The following AP5Z1 variants were observed in gnomAD, a reference collection of about 807,000 sequenced individuals.
The protein encoded by AP5Z1 is AP-5 complex subunit zeta-1.
AP5Z1 carries 106 observed loss-of-function variants against 83.0 expected under a neutral mutation model. That is an observed-to-expected ratio of 1.28 (90% CI 1.09 to 1.50). The LOEUF (loss-of-function observed/expected upper bound fraction) is 1.50, where lower values mean the gene tolerates loss of function less well. AP5Z1 is among the 40% of genes most tolerant of loss of function. The pLI, the probability that AP5Z1 is intolerant of heterozygous loss-of-function variation, is 0.00. For missense variants in AP5Z1, 1,565 were observed against 1,094.2 expected (o/e 1.43, Z -6.07); for synonymous variants, 751 against 514.1 (o/e 1.46, Z -6.23).
chr7:4,783,967 T>G (rs1413675240), intron 5 of AP5Z1, among the ~76,000 whole-genome samples, 169 bp downstream of exon 5: 2 of 152,090 alleles, frequency 1.3e-5, no homozygotes, highest in Non-Finnish European at 2.9e-5. Context: ...CCCTGACCCG[T>G]GTGGCTCTGG....
Position 4,787,648 on chromosome 7 carries a change from C to T in AP5Z1, c.1326C>T (p.Asn442=), listed in dbSNP as rs1337205550. 7 of 1,552,802 alleles carry T rather than the reference C, an allele frequency of 4.5e-6. No homozygotes were observed. Among genetic ancestry groups the T allele is most frequent in the East Asian group, 2.4e-5 (1 of 41,150 alleles). ...FPNLFKFLAW[N]SPPLTSEFVA... is the part of the protein sequence containing the mutation. ...TGTGCCCACAGTTCCTGGCCTGGAA[C>T]AGCCCACCCCTCACCTCCGAGTTTG... The change falls in exon 11 of 17, where the codon AAC becomes AAT. Residue 442 remains asparagine, a synonymous_variant. Coordinates refer to ENST00000649063, the MANE Select transcript of AP5Z1 (RefSeq NM_014855.3).
rs780335137 is a variant in AP5Z1, at chr7:4,786,279, G to A, written c.1162G>A (p.Val388Ile). The A allele has an allele frequency of 3.6e-5, 58 of 1,611,686 alleles. No individual in the cohort carries two copies. Among genetic ancestry groups the A allele is most frequent in the Middle Eastern group, 1.6e-4 (1 of 6,066 alleles). The change falls in exon 10 of 17, where the codon GTC (valine) becomes ATC (isoleucine). Residue 388 changes from valine (V) to isoleucine (I), a missense_variant. By Grantham distance (29) the Val-to-Ile change is conservative. Coordinates refer to ENST00000649063, the MANE Select transcript of AP5Z1 (RefSeq NM_014855.3). ...AGCGGCTGCAGTGGACTCGGAAGCC[G>A]TCTACCAGCACCTGTTCACCAGGAT... is the stretch of plus-strand genomic sequence containing the variant. ...GEAAAVDSEA[V>I]YQHLFTRIPV...
chr7:4,785,673 TC>T lies in AP5Z1; in HGVS notation c.1123del (p.Leu375Ter). On this transcript the variant is annotated frameshift_variant, in exon 9 of 17. Coordinates refer to ENST00000649063, the MANE Select transcript of AP5Z1 (RefSeq NM_014855.3). LOFTEE classifies it high-confidence loss of function. Reference sequence around the variant, plus strand: ...GTGCTGCTGCCCCTCGCCCACTTCTTCCTGAGCCACGGTGAGCCCAGGGTGG... The same window carrying T: ...GTGCTGCTGCCCCTCGCCCACTTCTTCTGAGCCACGGTGAGCCCAGGGTGG... Reference protein sequence around the residue: ...VRVLLPLAHFFLSHGEAAAVD... With the variant: ...VRVLLPLAHFXLSHGEAAAVD... 1 of 1,537,390 alleles carries T rather than the reference TC, an allele frequency of 6.5e-7. No individual in the cohort carries two copies. The highest frequency in any genetic ancestry group is 8.8e-7 in the Non-Finnish European group (1 of 1,141,176).
Position 4,783,373 on chromosome 7 carries a change from A to G in AP5Z1, c.424A>G (p.Ser142Gly), listed in dbSNP as rs775244488. The G allele has an allele frequency of 6.2e-7, 1 of 1,613,122 alleles. No homozygotes were observed. The highest frequency in any genetic ancestry group is 1.1e-5 in the South Asian group (1 of 91,070). Residue 142 changes from serine (S) to glycine (G), a missense_variant, in exon 4 of 17, where the codon AGC becomes GGC. Coordinates refer to ENST00000649063, the MANE Select transcript of AP5Z1 (RefSeq NM_014855.3). ...VGQGVLRALE[S>G]RQPEGPSLRH... is the part of the protein sequence containing the mutation. ...CCAGGGCGTGCTACGAGCGCTGGAG[A>G]GCCGGCAGCCTGAGGGACCCAGCCT...
In AP5Z1 at chr7:4,786,377, G is replaced by C; in HGVS notation, c.1260G>C (p.Leu420=). 2.5e-6 allele frequency: 4 copies of C among 1,613,940 alleles called. No homozygotes were observed. The highest frequency in any genetic ancestry group is 3.4e-6 in the Non-Finnish European group (4 of 1,179,864). Residue 420 remains leucine, a synonymous_variant, in exon 10 of 17, where the codon CTG becomes CTC. Coordinates refer to ENST00000649063, the MANE Select transcript of AP5Z1 (RefSeq NM_014855.3). The stretch of plus-strand genomic sequence containing the variant: ...AGTTCTGCAGGGACAACCTCCACCT[G>C]TTCAGCGGGCACCTCAGCACCCTCA... The part of the protein sequence containing the change: ...FIQFCRDNLH[L]FSGHLSTLRL...
In AP5Z1 at chr7:4,790,678, G is replaced by T; in HGVS notation, c.1944G>T (p.Trp648Cys). The T allele has an allele frequency of 6.2e-7, 1 of 1,612,052 alleles. No homozygotes were observed. Among genetic ancestry groups the T allele is most frequent in the Non-Finnish European group, 8.5e-7 (1 of 1,179,672 alleles). The change falls in exon 16 of 17, where the codon TGG becomes TGT. Residue 648 changes from tryptophan (W) to cysteine (C), a missense_variant. Coordinates refer to ENST00000649063, the MANE Select transcript of AP5Z1 (RefSeq NM_014855.3). ...SRASLVTSVV[W>C]AIGEYLSVTY... ...ATCTCTGTCCCCGGGCCTAGGTGTG[G>T]GCCATCGGCGAGTACCTGTCGGTGA...
chr7:4,781,228 T>C lies in AP5Z1; in HGVS notation c.95T>C (p.Leu32Pro). ...TTCTGTTCCCGGATCTGTAAACTGC[T>C]GCAGGCGGAGGACTTGGGGCCGGAC... ...KKFCSRICKL[L>P]QAEDLGPDTL... The change falls in exon 2 of 17, where the codon CTG becomes CCG. Residue 32 changes from leucine (L) to proline (P), a missense_variant. Transcript: ENST00000649063. The C allele has an allele frequency of 6.2e-7, 1 of 1,613,752 alleles. No individual in the cohort carries two copies. Among genetic ancestry groups the C allele is most frequent in the Non-Finnish European group, 8.5e-7 (1 of 1,179,640 alleles).
At chr7:4,785,348 A>T in intron 7 of AP5Z1, 67 bp from the exon 8 acceptor site, 1 of 1,568,104 alleles carries the variant, frequency 6.4e-7, no homozygotes, top group Non-Finnish European at 8.7e-7. Context: ...CCAGAGCACA[A>T]GCTGCCCCCT....
rs770398481 is a variant in AP5Z1, at chr7:4,791,214, C to T, written c.2253C>T (p.Ala751=). The T allele has an allele frequency of 3.1e-6, 5 of 1,612,754 alleles. No individual in the cohort carries two copies. Among genetic ancestry groups the T allele is most frequent in the Admixed American group, 1.7e-5 (1 of 60,012 alleles). Residue 751 remains alanine, a synonymous_variant, in exon 17 of 17, where the codon GCC becomes GCT. Transcript: ENST00000649063. ...GCGCGGAAGCCATCCGTACCCGGGCCACAGAGCTGCTGACCCTGCTGAAGA... is the reference window on the plus strand; with the variant it reads ...GCGCGGAAGCCATCCGTACCCGGGCTACAGAGCTGCTGACCCTGCTGAAGA... ...EEGAEAIRTR[A]TELLTLLKMP... is the part of the protein sequence containing the mutation.
intron 1 of AP5Z1, 148 bp from the exon 2 acceptor site, chr7:4,781,027 C>T: frequency 9.5e-7 from 1 of 1,048,784 alleles, no homozygotes. Flanking sequence ...GCGAATTTAT[C>T]TCGAGAGCCA....
Position 4,784,891 on chromosome 7 carries a change from G to T in AP5Z1, c.791-17G>T. 6.2e-7 allele frequency: 1 copy of T among 1,604,150 alleles called. No homozygotes were observed. The highest frequency in any genetic ancestry group is 1.7e-4 in the Middle Eastern group (1 of 6,030). ...GGAGCCACACGTCAGCCTGCTGAGA[G>T]TTCCCACCTCCCGCAGATGACAGGT... On this transcript the variant is annotated splice_polypyrimidine_tract_variant and intron_variant, in intron 6 of 16. Coordinates refer to ENST00000649063, the MANE Select transcript of AP5Z1 (RefSeq NM_014855.3).
chr7:4,791,188 G>A lies in AP5Z1; in HGVS notation c.2227G>A (p.Gly743Ser). 6.2e-7 allele frequency: 1 copy of A among 1,612,530 alleles called. No individual in the cohort carries two copies. Among genetic ancestry groups the A allele is most frequent in the Non-Finnish European group, 8.5e-7 (1 of 1,179,764 alleles). The change falls in exon 17 of 17, where the codon GGC (glycine) becomes AGC (serine). Residue 743 changes from glycine to serine, a missense_variant. Coordinates refer to ENST00000649063, the MANE Select transcript of AP5Z1 (RefSeq NM_014855.3). The part of the protein sequence containing the change: ...PATSSTHSEE[G>S]AEAIRTRATE... ...CACCAGCTCCACGCACAGCGAGGAGGGCGCGGAAGCCATCCGTACCCGGGC... is the reference window on the plus strand; with the variant it reads ...CACCAGCTCCACGCACAGCGAGGAGAGCGCGGAAGCCATCCGTACCCGGGC...
chr7:4,788,039 C>T (rs923415073), intron 11 of AP5Z1, 115 bp from the exon 12 acceptor site: 4 of 1,415,226 alleles, frequency 2.8e-6, no homozygotes, highest in African/African-American at 2.9e-5. Flanking sequence ...CCAAGCCCTT[C>T]CTGGCACCCG....
Position 4,794,269 on chromosome 7 carries a change from G to C in AP5Z1, c.*2884G>C, listed in dbSNP as rs184051349. ...ACCACTCGGCTCTACCAGTCAGCAG[G>C]ATGTGGGTGGGGCCAGATGAGAATA... On this transcript the variant is annotated 3_prime_UTR_variant, in exon 17 of 17. Transcript: ENST00000649063. 1 of 152,258 alleles carries C rather than the reference G, an allele frequency of 6.6e-6. No individual in the cohort carries two copies. The highest frequency in any genetic ancestry group is 2.4e-5 in the African/African-American group (1 of 41,454). The allele number at this position is 152,258 out of a possible 1,614,324, so 9.4% of individuals were successfully genotyped here.
chr7:4,788,307 A>G lies in AP5Z1; in HGVS notation c.1595+13A>G. On this transcript the variant is annotated intron_variant, in intron 12 of 16. Coordinates refer to ENST00000649063, the MANE Select transcript of AP5Z1 (RefSeq NM_014855.3). The stretch of plus-strand genomic sequence containing the variant: ...GCGCCACTGAGAGGTACGGGGCCCT[A>G]GGGCCAGGGGGCCACCAGTGGCTCA... The G allele has an allele frequency of 1.9e-6, 3 of 1,573,262 alleles. No homozygotes were observed. Among genetic ancestry groups the G allele is most frequent in the East Asian group, 2.3e-5 (1 of 43,052 alleles).
chr7:4,785,723 C>T (rs1781522568), intron 9 of AP5Z1, 39 bp downstream of exon 9: 1 of 1,407,824 alleles, frequency 7.1e-7, no homozygotes, highest in Non-Finnish European at 9.3e-7. Context: ...CGGGGCTCTG[C>T]TTCTGCCTTT....
Position 4,793,305 on chromosome 7 carries a change from G to A in AP5Z1, c.*1920G>A, listed in dbSNP as rs910726050. ...TTTAGAATAGTTTTTCAGATTTACA[G>A]AAAAGATGATAAACCTTAGAAACAT... On this transcript the variant is annotated 3_prime_UTR_variant, in exon 17 of 17. Transcript: ENST00000649063. The A allele has an allele frequency of 3.3e-5, 5 of 152,290 alleles. No individual in the cohort carries two copies. The highest frequency in any genetic ancestry group is 9.6e-5 in the African/African-American group (4 of 41,480). The allele number at this position is 152,290 out of a possible 1,614,324, so 9.4% of individuals were successfully genotyped here.
In AP5Z1 at chr7:4,784,301, G is replaced by A; in HGVS notation, c.720G>A (p.Val240=). 1 of 1,602,502 alleles carries A rather than the reference G, an allele frequency of 6.2e-7. No homozygotes were observed. The highest frequency in any genetic ancestry group is 8.5e-7 in the Non-Finnish European group (1 of 1,175,602). ...TCACAGACGACCAGTGGCTGAACGT[G>A]CAGGCCTTCTCTATGCTGCGGGCGT... The part of the protein sequence containing the change: ...HRFTDDQWLN[V]QAFSMLRAWL... The change falls in exon 6 of 17, where the codon GTG becomes GTA. Residue 240 remains valine, a synonymous_variant. Coordinates refer to ENST00000649063, the MANE Select transcript of AP5Z1 (RefSeq NM_014855.3).
chr7:4,779,176 CAT>C (rs944670661), intron 1 of AP5Z1, among the ~76,000 whole-genome samples: 59 of 140,654 alleles, frequency 4.2e-4, no homozygotes, highest in Admixed American at 1.3e-3. Context: ...ACATATATAA[CAT>C]AACATATATA....
Sources: allele counts gnomAD v4.1 joint callset (sites outside exome capture counted in the v4.1 genomes callset), GRCh38; gene constraint gnomAD v4.1.1; transcripts MANE v1.5; gene names NCBI Gene and HGNC (gene_info 2026-07-23, HGNC 2026-07-21).